The following MAMDC2 variants were observed in gnomAD, a reference collection of about 807,000 sequenced individuals.
The protein encoded by MAMDC2 is MAM domain containing 2.
MAMDC2 carries 57 observed loss-of-function variants against 89.8 expected under a neutral mutation model. That is an observed-to-expected ratio of 0.63 (90% CI 0.51 to 0.79). MAMDC2 has a LOEUF of 0.79. MAMDC2 is among the 30% of genes least tolerant of loss of function. The pLI, the probability that MAMDC2 is intolerant of heterozygous loss-of-function variation, is 0.00. For missense variants in MAMDC2, 800 were observed against 820.6 expected, an observed-to-expected ratio of 0.97 and a Z score of 0.31; for synonymous variants, 313 against 293.4, an observed-to-expected ratio of 1.07 and a Z score of -0.68.
intron 2 of MAMDC2, among the ~76,000 whole-genome samples, chr9:70,049,410 T>C (rs193131823): frequency 3.3e-5 from 5 of 152,208 alleles, no homozygotes; most frequent in African/African-American, 7.2e-5. Flanking sequence ...TGCCTGCTAT[T>C]TCTTGAGGCT....
intron 4 of MAMDC2, among the ~76,000 whole-genome samples, chr9:70,110,081 C>T (rs1366176244): frequency 6.6e-6 from 1 of 152,206 alleles, no homozygotes; most frequent in African/African-American, 2.4e-5. Context: ...TTAACCTCAA[C>T]ACATTCTGAT....
At chr9:70,225,530 C>T (rs528419187) in intron 12 of MAMDC2, among the ~76,000 whole-genome samples, 2 of 151,972 alleles carry the variant, frequency 1.3e-5, no homozygotes, top group South Asian at 4.2e-4. Context: ...AAGACAGGGA[C>T]CTGAATCTTC....
chr9:70,145,560 A>G (rs2031376499), intron 9 of MAMDC2, among the ~76,000 whole-genome samples: 1 of 119,446 alleles, frequency 8.4e-6, no homozygotes, highest in Admixed American at 9.8e-5. Context: ...ATACACACAC[A>G]TGCACGCATG....
chr9:70,198,408 T>C (rs1587562549), intron 11 of MAMDC2, among the ~76,000 whole-genome samples: 1 of 152,212 alleles, frequency 6.6e-6, no homozygotes, highest in Non-Finnish European at 1.5e-5. Context: ...AACATTTATA[T>C]GATACTATGC....
chr9:70,206,907 G>A (rs898364489), intron 11 of MAMDC2, among the ~76,000 whole-genome samples: 1 of 152,084 alleles, frequency 6.6e-6, no homozygotes, highest in Non-Finnish European at 1.5e-5. Context: ...GTGATAGTTT[G>A]CTGAGAATGA....
chr9:70,204,463 G>A (rs368557624), intron 11 of MAMDC2, among the ~76,000 whole-genome samples: 1 of 149,746 alleles, frequency 6.7e-6, no homozygotes, highest in Non-Finnish European at 1.5e-5. Context: ...CTTCAAAGCT[G>A]TCAGACAGGG....
intron 2 of MAMDC2, among the ~76,000 whole-genome samples, chr9:70,053,306 A>G (rs995155568): frequency 6.6e-6 from 1 of 152,236 alleles, no homozygotes; most frequent in African/African-American, 2.4e-5. Flanking sequence ...AGATAATAAA[A>G]CAAGTGGTAT....
chr9:70,122,815 C>G (rs1008896874), intron 5 of MAMDC2, among the ~76,000 whole-genome samples: 1 of 151,882 alleles, frequency 6.6e-6, no homozygotes, highest in Non-Finnish European at 1.5e-5. Context: ...TAAAGATGCC[C>G]TGGGTAGGGA....
At chr9:70,106,839 CCTAA>C (rs1262112974) in intron 2 of MAMDC2, among the ~76,000 whole-genome samples, 4 of 152,196 alleles carry the variant, frequency 2.6e-5, no homozygotes, top group East Asian at 1.9e-4. Context: ...AAGACAATGC[CCTAA>C]CTGTGTCCCT....
chr9:70,051,228 G>A (rs1826886754), intron 2 of MAMDC2, among the ~76,000 whole-genome samples: 1 of 152,268 alleles, frequency 6.6e-6, no homozygotes, highest in South Asian at 2.1e-4. Context: ...GTGGATGTAA[G>A]CTGTGTCTGG....
Position 70,054,326 on chromosome 9 carries a change from AG to A in MAMDC2, c.148+9631del, listed in dbSNP as rs1826978218. On this transcript the variant is annotated intron_variant, in intron 2 of 13. Transcript: ENST00000377182. ...GAGCTCACATTTAAGGATTAGGTAT[AG>A]GAAGGAGATGGGGACATGAAAGAAA... Among the ~76,000 whole-genome samples, 4 of 152,174 alleles carry A rather than the reference AG, an allele frequency of 2.6e-5. No individual in the cohort carries two copies. In the South Asian group the frequency reaches 8.3e-4, roughly 32 times the overall value.
Position 70,135,766 on chromosome 9 carries a change from G to A in MAMDC2, c.994+4154G>A, listed in dbSNP as rs1254018659. ...CCATAGTTTAGATTAAGGTTCACTC[G>A]TGGTATTGTATACTGTATGGATTTG... On this transcript the variant is annotated intron_variant, in intron 7 of 13. Coordinates refer to ENST00000377182, the MANE Select transcript of MAMDC2 (RefSeq NM_153267.5). Among the ~76,000 whole-genome samples the A allele has an allele frequency of 2.6e-5, 4 of 152,176 alleles. 1 individual carries two copies. The highest frequency in any genetic ancestry group is 4.1e-4 in the South Asian group (2 of 4,824).
At chr9:70,084,416 A>T (rs576715039) in intron 2 of MAMDC2, among the ~76,000 whole-genome samples, 1 of 152,202 alleles carries the variant, frequency 6.6e-6, no homozygotes, top group South Asian at 2.1e-4. Flanking sequence ...TATAGAGTAG[A>T]TGCTCAACAA....
intron 7 of MAMDC2, among the ~76,000 whole-genome samples, chr9:70,132,516 T>C (rs2030848098): frequency 7.2e-6 from 1 of 139,510 alleles, no homozygotes; most frequent in Non-Finnish European, 1.5e-5. Context: ...ATTCTGCAAA[T>C]CGGGGGACTA....
intron 2 of MAMDC2, among the ~76,000 whole-genome samples, chr9:70,055,752 C>A (rs932038840): frequency 1.3e-5 from 2 of 152,178 alleles, no homozygotes; most frequent in African/African-American, 4.8e-5. Context: ...TTGAAGGATT[C>A]TCTTCTCAAT....
chr9:70,207,195 G>A (rs149116734), intron 11 of MAMDC2, among the ~76,000 whole-genome samples: 4 of 152,166 alleles, frequency 2.6e-5, no homozygotes, highest in Non-Finnish European at 4.4e-5. Context: ...GATCCTTAAG[G>A]AATCACCACA....
At chr9:70,130,045 TGA>T (rs1391053702) in intron 6 of MAMDC2, among the ~76,000 whole-genome samples, 4 of 147,532 alleles carry the variant, frequency 2.7e-5, no homozygotes, top group Non-Finnish European at 4.5e-5. Context: ...TGTGTGTGTG[TGA>T]GAGTGTCTGC....
At chr9:70,120,935 G>A (rs554347561) in intron 5 of MAMDC2, among the ~76,000 whole-genome samples, 1 of 152,194 alleles carries the variant, frequency 6.6e-6, no homozygotes, top group Non-Finnish European at 1.5e-5. Flanking sequence ...CATGGCAGCA[G>A]ACCAGTGGGT....
intron 2 of MAMDC2, among the ~76,000 whole-genome samples, chr9:70,061,199 T>C (rs930888597): frequency 6.6e-6 from 1 of 152,196 alleles, no homozygotes; most frequent in Non-Finnish European, 1.5e-5. Flanking sequence ...CATGGGCCCC[T>C]ACAATTTTTG....
Sources: allele counts gnomAD v4.1 joint callset (sites outside exome capture counted in the v4.1 genomes callset), GRCh38; gene constraint gnomAD v4.1.1; transcripts MANE v1.5; gene names NCBI Gene and HGNC (gene_info 2026-07-23, HGNC 2026-07-21).